ST3GAL2: variants seen among roughly 807,000 people sequenced by gnomAD.
The protein encoded by ST3GAL2 is ST3 beta-galactoside alpha-2,3-sialyltransferase 2, also known as CMP-N-acetylneuraminate-beta-galactosamide-alpha-2,3-sialyltransferase 2.
ST3GAL2 carries 16 observed loss-of-function variants against 37.5 expected under a neutral mutation model. That is an observed-to-expected ratio of 0.43 (90% confidence interval 0.29 to 0.65). The LOEUF is 0.65. Ranked by LOEUF, ST3GAL2 falls within the 30% of genes least tolerant of loss-of-function variation. ST3GAL2 has a pLI of 0.17. For synonymous variants in ST3GAL2, 238 were observed against 202.9 expected (o/e 1.17, Z -1.47); for missense variants, 383 against 487.8 (o/e 0.79, Z 2.02).
At chr16:70,411,943 G>A (rs1241767177) in intron 1 of ST3GAL2, among the ~76,000 whole-genome samples, 2 of 151,078 alleles carry the variant, frequency 1.3e-5, no homozygotes, top group Admixed American at 6.6e-5. Context: ...GCGGTGAGCC[G>A]AGATCACCCC....
intron 3 of ST3GAL2, among the ~76,000 whole-genome samples, chr16:70,391,143 C>A (rs6499312): frequency 0.093 from 14,130 of 152,198 alleles, 2,171 homozygotes; most frequent in African/African-American, 0.32. Flanking sequence ...AGCTGTCTTC[C>A]TCAGGGACGG....
chr16:70,380,440 C>G lies in ST3GAL2; in HGVS notation c.*1249G>C, dbSNP rs2047390945. The G allele has an allele frequency of 6.6e-6, 1 of 152,310 alleles. No homozygotes were observed. Among genetic ancestry groups the G allele is most frequent in the African/African-American group, 2.4e-5 (1 of 41,472 alleles). 9.4% of individuals were successfully genotyped at this position (152,310 alleles called of 1,614,324 possible). On this transcript the variant is annotated 3_prime_UTR_variant, in exon 7 of 7. Transcript: ENST00000342907. The stretch of plus-strand genomic sequence containing the variant: ...AAGCCTTCCCCCTCCTAAACCTCCC[C>G]AGCTTCGAAGGGGGAGAATTCCACC...
intron 2 of ST3GAL2, 108 bp from the exon 3 acceptor site, chr16:70,395,283 G>GGATA: frequency 1.9e-6 from 2 of 1,055,924 alleles, no homozygotes. Context: ...TCTGGGCACA[G>GGATA]GCCTCTTTAT....
intron 1 of ST3GAL2, among the ~76,000 whole-genome samples, chr16:70,417,269 C>A (rs796687530): frequency 6.6e-6 from 1 of 151,142 alleles, no homozygotes; most frequent in Non-Finnish European, 1.5e-5. Flanking sequence ...CCACACAGCA[C>A]TGACTCTGGC....
At chr16:70,411,477 G>C (rs2047637878) in intron 1 of ST3GAL2, among the ~76,000 whole-genome samples, 1 of 152,042 alleles carries the variant, frequency 6.6e-6, no homozygotes, top group Non-Finnish European at 1.5e-5. Context: ...ACAGGGTGAT[G>C]ATATAATGTC....
At chr16:70,435,886 G>A (rs1464429246) in intron 1 of ST3GAL2, among the ~76,000 whole-genome samples, 3 of 152,088 alleles carry the variant, frequency 2.0e-5, no homozygotes, top group Non-Finnish European at 4.4e-5. Context: ...CCAACAGTGG[G>A]AAGCTGAGGC....
At chr16:70,435,652 G>A (rs1266251479) in intron 1 of ST3GAL2, among the ~76,000 whole-genome samples, 1 of 151,048 alleles carries the variant, frequency 6.6e-6, no homozygotes, top group African/African-American at 2.4e-5. Flanking sequence ...AAATTAGCCG[G>A]GCATGGTGGT....
At chr16:70,407,278 C>A (rs1042697220) in intron 1 of ST3GAL2, among the ~76,000 whole-genome samples, 25 of 151,982 alleles carry the variant, frequency 1.6e-4, no homozygotes, top group African/African-American at 6.0e-4. Context: ...GCAGCTGGCA[C>A]TATAGGCCCG....
chr16:70,435,272 G>T (rs937465935), intron 1 of ST3GAL2, among the ~76,000 whole-genome samples: 9 of 152,188 alleles, frequency 5.9e-5, no homozygotes, highest in Admixed American at 4.6e-4. Context: ...TGGTGGGGAA[G>T]TAAGGTGGAA....
chr16:70,404,787 C>T (rs528755986), intron 1 of ST3GAL2, among the ~76,000 whole-genome samples: 2 of 152,158 alleles, frequency 1.3e-5, no homozygotes, highest in African/African-American at 4.8e-5. Context: ...GTAATCCCAG[C>T]ACTTTGGGAG....
intron 2 of ST3GAL2, among the ~76,000 whole-genome samples, chr16:70,396,533 G>A (rs532154575): frequency 6.6e-6 from 1 of 152,250 alleles, no homozygotes; most frequent in East Asian, 1.9e-4. Flanking sequence ...GAGCCTTGGG[G>A]ATCAAGGATG....
intron 1 of ST3GAL2, among the ~76,000 whole-genome samples, chr16:70,410,337 G>T (rs1426047571): frequency 7.6e-6 from 1 of 131,032 alleles, no homozygotes; most frequent in African/African-American, 3.0e-5. Flanking sequence ...TGCAAGCTCT[G>T]CCTCCCAGGT....
At chr16:70,418,132 C>T (rs997767731) in intron 1 of ST3GAL2, among the ~76,000 whole-genome samples, 3 of 152,278 alleles carry the variant, frequency 2.0e-5, no homozygotes, top group East Asian at 1.9e-4. Flanking sequence ...ACACAAGATG[C>T]GTGTGTTCTG....
chr16:70,402,981 G>C (rs534398634), intron 1 of ST3GAL2, among the ~76,000 whole-genome samples: 2 of 152,288 alleles, frequency 1.3e-5, no homozygotes, highest in Non-Finnish European at 2.9e-5. Context: ...ATTCTGTAAA[G>C]AGCACAAATA....
In ST3GAL2 at chr16:70,420,332, ACTCCTAAAAGGTCCAGTCAC is replaced by A. The variant is rs573442169; in HGVS notation, c.-1004+18597_-1004+18616del. On this transcript the variant is annotated intron_variant, in intron 1 of 6. Transcript: ENST00000342907. ...CAAGGCCTACATGGAACAAGGCTGC[ACTCCTAAAAGGTCCAGTCAC>A]ATAGGTGCCAATCACCTGGGAGACC... 3.3e-3 allele frequency among the ~76,000 whole-genome samples: 502 copies of A among 152,230 alleles called. 2 individuals are homozygous for A. Among genetic ancestry groups the A allele is most frequent in the African/African-American group, 0.011 (448 of 41,540 alleles).
chr16:70,392,888 G>A (rs965289212), intron 3 of ST3GAL2, among the ~76,000 whole-genome samples: 9 of 151,780 alleles, frequency 5.9e-5, no homozygotes, highest in East Asian at 1.9e-4. Context: ...GGGCTCAAAC[G>A]ATCCTCCTGC....
chr16:70,436,358 A>C (rs183115735), intron 1 of ST3GAL2, among the ~76,000 whole-genome samples: 2 of 149,806 alleles, frequency 1.3e-5, no homozygotes, highest in East Asian at 4.0e-4. Context: ...GGCCGAGACA[A>C]GAGAATTGCT....
At chr16:70,419,954 C>G (rs1348852782) in intron 1 of ST3GAL2, among the ~76,000 whole-genome samples, 1 of 152,026 alleles carries the variant, frequency 6.6e-6, no homozygotes, top group Non-Finnish European at 1.5e-5. Context: ...CCAGGCAAAT[C>G]CCTCCAAAGG....
intron 1 of ST3GAL2, among the ~76,000 whole-genome samples, chr16:70,433,040 G>A (rs1192683052): frequency 2.6e-5 from 4 of 152,222 alleles, no homozygotes; most frequent in African/African-American, 7.2e-5. Flanking sequence ...GTCAGCATAA[G>A]CACACAGCTC....
Sources: gnomAD v4.1 joint callset for allele counts (sites outside exome capture counted in the v4.1 genomes callset) on GRCh38, gnomAD v4.1.1 for gene constraint, MANE v1.5 for transcripts, NCBI Gene and HGNC (gene_info 2026-07-23, HGNC 2026-07-21) for gene names.